Variants in EPAS1 observed in about 807,000 individuals in gnomAD.
The protein encoded by EPAS1 is endothelial PAS domain-containing protein 1.
In EPAS1, 23 loss-of-function variants were observed where a neutral mutation model predicts 87.9. The observed-to-expected ratio is 0.26, with a 90% confidence interval of 0.19 to 0.37. The LOEUF (loss-of-function observed/expected upper bound fraction) is 0.37. Among genes scored for constraint, EPAS1 ranks in the 10% least tolerant of loss-of-function variants. The pLI, the probability that EPAS1 is intolerant of heterozygous loss-of-function variation, is 1.00. For missense variants in EPAS1, 1,138 were observed against 1,120.7 expected, an observed-to-expected ratio of 1.02 and a Z score of -0.22; for synonymous variants, 508 against 444.3, an observed-to-expected ratio of 1.14 and a Z score of -1.80.
chr2:46,380,827 A>G lies in EPAS1; in HGVS notation c.2045+110A>G. ...CTGCCCCTCTCCCCAGCCATCTGAT[A>G]CCCCATTTAGCCCTTCTCTGAGCTC... On this transcript the variant is annotated intron_variant, in intron 12 of 15. Coordinates refer to ENST00000263734, the MANE Select transcript of EPAS1 (RefSeq NM_001430.5). The surrounding 1 kb of genome is among the most constrained non-coding windows in gnomAD (Gnocchi z 4.4). The G allele has an allele frequency of 1.3e-6, 2 of 1,561,582 alleles. No individual in the cohort carries two copies. The highest frequency in any genetic ancestry group is 1.7e-6 in the Non-Finnish European group (2 of 1,149,810).
At chr2:46,339,115 A>G (rs564971320) in intron 1 of EPAS1, among the ~76,000 whole-genome samples, 114 of 152,374 alleles carry the variant, frequency 7.5e-4, no homozygotes, top group Middle Eastern at 3.4e-3. Context: ...GTTCAGCCAC[A>G]TGATGTGATA....
intron 7 of EPAS1, among the ~76,000 whole-genome samples, chr2:46,374,974 G>A (rs1234408155): frequency 6.6e-6 from 1 of 152,104 alleles, no homozygotes; most frequent in Non-Finnish European, 1.5e-5. Context: ...CTTATGAAGA[G>A]ACTGTGTGTG....
intron 7 of EPAS1, 117 bp downstream of exon 7, chr2:46,370,050 T>G: frequency 1.2e-6 from 1 of 815,882 alleles, no homozygotes; most frequent in Non-Finnish European, 2.1e-6. Context: ...TGCTGTCTTG[T>G]GTGGCAGACA....
chr2:46,372,404 T>C (rs1684646032), intron 7 of EPAS1, among the ~76,000 whole-genome samples: 1 of 152,164 alleles, frequency 6.6e-6, no homozygotes, highest in Non-Finnish European at 1.5e-5. Flanking sequence ...TTGAGACAGG[T>C]CCAGATTCAC....
intron 1 of EPAS1, among the ~76,000 whole-genome samples, chr2:46,331,027 T>G (rs1683662701): frequency 6.6e-6 from 1 of 152,166 alleles, no homozygotes; most frequent in Non-Finnish European, 1.5e-5. Context: ...CTATTGAGTG[T>G]GTAGTATTTC....
chr2:46,310,108 A>G (rs1683182503), intron 1 of EPAS1, among the ~76,000 whole-genome samples: 1 of 152,214 alleles, frequency 6.6e-6, no homozygotes, highest in African/African-American at 2.4e-5. Flanking sequence ...AATAAACGCC[A>G]TGTCTGAGTC....
rs916307472 is a variant in EPAS1, at chr2:46,347,515, G to C, written c.217+452G>C. On this transcript the variant is annotated intron_variant, in intron 2 of 15. Coordinates refer to ENST00000263734, the MANE Select transcript of EPAS1 (RefSeq NM_001430.5). The surrounding 1 kb of genome is among the most constrained non-coding windows in gnomAD (Gnocchi z 4.2). ...CCCTCTGAGAAGCCAGTTAGGCCAA[G>C]TAAATCATTTAGTCTCTCTGAACAT... 7.9e-6 allele frequency: 2 copies of C among 253,786 alleles called. No individual in the cohort carries two copies. Among genetic ancestry groups the C allele is most frequent in the Non-Finnish European group, 1.6e-5 (2 of 128,090 alleles). The allele number at this position is 253,786 out of a possible 1,614,324, so 15.7% of individuals were successfully genotyped here. A position where few individuals can be genotyped will look rare whatever the true frequency, so the allele number is the denominator to read the frequency against.
At chr2:46,383,827 A>T (rs2103680894) in intron 15 of EPAS1, among the ~76,000 whole-genome samples, 1 of 152,332 alleles carries the variant, frequency 6.6e-6, no homozygotes, top group South Asian at 2.1e-4. Context: ...CATGGACCCC[A>T]GCAAGGATCT....
Position 46,377,992 on chromosome 2 carries a change from G to A in EPAS1, c.1348G>A (p.Glu450Lys), listed in dbSNP as rs762678739. 2.5e-6 allele frequency: 4 copies of A among 1,584,444 alleles called. No homozygotes were observed. The highest frequency in any genetic ancestry group is 2.6e-6 in the Non-Finnish European group (3 of 1,165,148). ...GTTGAGGAGCCACAGCACCCAGAGC[G>A]AGGCTGGGAGCCTGCCTGCCTTCAC... Reference protein sequence around the residue: ...TELRSHSTQSEAGSLPAFTVP... With the variant: ...TELRSHSTQSKAGSLPAFTVP... Residue 450 changes from glutamate (E) to lysine (K), a missense_variant, in exon 10 of 16, where the codon GAG becomes AAG. Transcript: ENST00000263734.
rs893060974 is a variant in EPAS1, at chr2:46,346,232, GAA to G, written c.27-638_27-637del. On this transcript the variant is annotated intron_variant, in intron 1 of 15. Transcript: ENST00000263734. The surrounding 1 kb of genome is among the most constrained non-coding windows in gnomAD (Gnocchi z 4.0). ...AACCTATGCTGGCAGGGCTTAGAGA[GAA>G]AATGTTTGTGCCCACTCCTTTTTAA... Among the ~76,000 whole-genome samples the G allele has an allele frequency of 6.6e-6, 1 of 152,216 alleles. No individual in the cohort carries two copies.
chr2:46,367,004 A>G (rs990779846), intron 6 of EPAS1, among the ~76,000 whole-genome samples: 6 of 152,220 alleles, frequency 3.9e-5, no homozygotes, highest in African/African-American at 1.4e-4. Context: ...GATGTGGTGT[A>G]TTTCCCAGTT....
intron 1 of EPAS1, among the ~76,000 whole-genome samples, chr2:46,337,724 A>G (rs1185624367): frequency 2.6e-5 from 4 of 152,170 alleles, no homozygotes; most frequent in African/African-American, 9.7e-5. Flanking sequence ...AAAAAAATCT[A>G]AATCAGATCT....
intron 1 of EPAS1, among the ~76,000 whole-genome samples, chr2:46,299,315 C>T (rs1384290496): frequency 1.3e-5 from 2 of 152,170 alleles, no homozygotes; most frequent in East Asian, 3.9e-4. Context: ...GGGGATTGGG[C>T]CCTGCTCCCC....
chr2:46,358,411 G>A (rs954713330), intron 4 of EPAS1, among the ~76,000 whole-genome samples: 8 of 152,320 alleles, frequency 5.3e-5, no homozygotes, highest in South Asian at 4.1e-4. Context: ...GAGGATTCAT[G>A]TTCTGCATGG....
intron 2 of EPAS1, among the ~76,000 whole-genome samples, chr2:46,348,963 G>C (rs1313828082): frequency 2.0e-5 from 3 of 152,170 alleles, no homozygotes; most frequent in Admixed American, 6.5e-5. Context: ...TCACAGATAA[G>C]TGAAGCACAG....
chr2:46,352,539 C>A (rs1419787798), intron 2 of EPAS1, among the ~76,000 whole-genome samples: 3 of 152,184 alleles, frequency 2.0e-5, no homozygotes, highest in Non-Finnish European at 4.4e-5. Context: ...ACACGATGTT[C>A]ATAGGGGAAG....
intron 1 of EPAS1, among the ~76,000 whole-genome samples, chr2:46,330,971 G>T (rs748638561): frequency 6.0e-5 from 9 of 150,882 alleles, no homozygotes; most frequent in South Asian, 2.1e-4. Flanking sequence ...CATCTTTCTT[G>T]CTCCCAGAGC....
chr2:46,318,181 T>TACACAC (rs59285248), intron 1 of EPAS1, among the ~76,000 whole-genome samples: 51,365 of 150,164 alleles, frequency 0.34, 8,937 homozygotes, highest in East Asian at 0.58. Flanking sequence ...GAGAGAGAGA[T>TACACAC]ACACACACAC....
rs564227787 is a variant in EPAS1 at position 46,332,338 on chromosome 2, A to G, written c.27-14535A>G. Among the ~76,000 whole-genome samples the G allele has an allele frequency of 9.4e-5, 13 of 138,804 alleles. No individual in the cohort carries two copies. The East Asian group carries it at 2.1e-3, about 23-fold the overall frequency. 91.1% of individuals were successfully genotyped at this position (138,804 alleles called of 152,430 possible). A position where few individuals can be genotyped will look rare whatever the true frequency, so the allele number is the denominator to read the frequency against. ...TGTGTGTGTGTGTGTGTGTGTATCA[A>G]CTTGTTTTCTCTTTGGCTGCTGGGC... On this transcript the variant is annotated intron_variant, in intron 1 of 15. Coordinates refer to ENST00000263734, the MANE Select transcript of EPAS1 (RefSeq NM_001430.5).
Sources: allele counts gnomAD v4.1 joint callset (sites outside exome capture counted in the v4.1 genomes callset), GRCh38; gene constraint gnomAD v4.1.1; non-coding constraint Gnocchi (gnomAD v3.1); transcripts MANE v1.5; gene names NCBI Gene and HGNC (gene_info 2026-07-23, HGNC 2026-07-21).